ME1: variants seen among roughly 807,000 people sequenced by gnomAD.
The protein encoded by ME1 is malic enzyme 1, also known as NADP-dependent malic enzyme.
A neutral mutation model predicts 66.4 loss-of-function variants in ME1; 74 were observed. That is an observed-to-expected ratio of 1.11 (90% confidence interval 0.92 to 1.35). ME1 has a LOEUF of 1.35. Among genes scored for constraint, ME1 ranks in the 40% most tolerant of loss-of-function variants. ME1 has a pLI of 0.00. For missense variants in ME1, 750 were observed against 694.1 expected (o/e 1.08, Z -0.90); for synonymous variants, 251 against 235.6 (o/e 1.07, Z -0.60).
intron 3 of ME1, among the ~76,000 whole-genome samples, chr6:83,385,648 A>G (rs1292269293): frequency 6.6e-6 from 1 of 151,900 alleles, no homozygotes; most frequent in Non-Finnish European, 1.5e-5. Flanking sequence ...TTAGATCTTG[A>G]TGTAAAGAAC....
At chr6:83,360,906 T>C (rs1246478720) in intron 3 of ME1, among the ~76,000 whole-genome samples, 1 of 152,238 alleles carries the variant, frequency 6.6e-6, no homozygotes, top group Non-Finnish European at 1.5e-5. Context: ...TATGCAGCCA[T>C]TGACTTGGCA....
intron 3 of ME1, among the ~76,000 whole-genome samples, chr6:83,395,088 T>G (rs934708628): frequency 1.3e-5 from 2 of 149,512 alleles, no homozygotes; most frequent in Non-Finnish European, 2.9e-5. Context: ...TACTTTTTTG[T>G]TTTTTTGGTT....
Position 83,428,243 on chromosome 6 carries a change from G to C in ME1, c.78+2634C>G, listed in dbSNP as rs182831929. On this transcript the variant is annotated intron_variant, in intron 1 of 13. Coordinates refer to ENST00000369705, the MANE Select transcript of ME1 (RefSeq NM_002395.6). ...TATTTTAAGTGGAAGCCTACATTGG[G>C]GAACGAATAAGATAAATTTGGAGAA... Among the ~76,000 whole-genome samples, 519 of 152,196 alleles carry C rather than the reference G, an allele frequency of 3.4e-3. 4 individuals carry two copies. The highest frequency in any genetic ancestry group is 0.012 in the African/African-American group (482 of 41,530).
chr6:83,225,205 CAAAA>C (rs146673365), intron 11 of ME1, among the ~76,000 whole-genome samples: 2 of 40,498 alleles, frequency 4.9e-5, no homozygotes, highest in African/African-American at 1.7e-4. Flanking sequence ...GACTCCATCT[CAAAA>C]AAAAAAAAAA....
chr6:83,425,492 C>A (rs1770353024), intron 1 of ME1, among the ~76,000 whole-genome samples: 1 of 152,138 alleles, frequency 6.6e-6, no homozygotes, highest in South Asian at 2.1e-4. Flanking sequence ...TCCTTCTTCA[C>A]ATGGCGGCAG....
At chr6:83,222,060 T>C (rs1790101446) in intron 12 of ME1, among the ~76,000 whole-genome samples, 1 of 152,138 alleles carries the variant, frequency 6.6e-6, no homozygotes, top group Non-Finnish European at 1.5e-5. Context: ...AAAATATTTT[T>C]CACGGAATTT....
chr6:83,291,934 T>C (rs146903212), intron 6 of ME1, among the ~76,000 whole-genome samples: 2 of 152,234 alleles, frequency 1.3e-5, no homozygotes, highest in East Asian at 1.9e-4. Flanking sequence ...TTGTGTTTGC[T>C]TCGCGAAGTT....
At chr6:83,217,209 A>G (rs1320112233) in intron 12 of ME1, among the ~76,000 whole-genome samples, 1 of 152,190 alleles carries the variant, frequency 6.6e-6, no homozygotes, top group Non-Finnish European at 1.5e-5. Flanking sequence ...TAAGGCAGAG[A>G]GGGAGACTCA....
intron 6 of ME1, among the ~76,000 whole-genome samples, chr6:83,304,197 G>T (rs1479451973): frequency 3.3e-5 from 5 of 152,036 alleles, no homozygotes; most frequent in African/African-American, 1.2e-4. Flanking sequence ...ATTTTTCCAA[G>T]GTTACAAATG....
intron 3 of ME1, among the ~76,000 whole-genome samples, chr6:83,396,148 G>C (rs1019168042): frequency 5.3e-5 from 8 of 152,092 alleles, no homozygotes; most frequent in African/African-American, 1.9e-4. Flanking sequence ...TGGATCACAT[G>C]AGGCCAACAG....
intron 6 of ME1, among the ~76,000 whole-genome samples, chr6:83,290,434 G>A (rs1179001196): frequency 6.6e-6 from 1 of 152,148 alleles, no homozygotes; most frequent in East Asian, 1.9e-4. Context: ...GTAGTTGTGT[G>A]GTTTTGAGTG....
At chr6:83,238,381 T>C (rs1461099682) in intron 8 of ME1, among the ~76,000 whole-genome samples, 1 of 152,176 alleles carries the variant, frequency 6.6e-6, no homozygotes, top group Non-Finnish European at 1.5e-5. Context: ...ATCTGTGAAA[T>C]TTCCAATATC....
Position 83,211,690 on chromosome 6 carries a change from G to A in ME1, c.*234C>T, listed in dbSNP as rs916894484. The A allele has an allele frequency of 2.8e-5, 9 of 320,164 alleles. No individual in the cohort carries two copies. Among genetic ancestry groups the A allele is most frequent in the Admixed American group, 1.9e-4 (4 of 21,582 alleles). 19.8% of individuals were successfully genotyped at this position (320,164 alleles called of 1,614,324 possible). ...ACGTACAACAGCTTTTAAAGAGAACGTAGGCAGAATAATTCAGACAGAAAC... is the reference window on the plus strand; with the variant it reads ...ACGTACAACAGCTTTTAAAGAGAACATAGGCAGAATAATTCAGACAGAAAC... On this transcript the variant is annotated 3_prime_UTR_variant, in exon 14 of 14. Transcript: ENST00000369705.
intron 6 of ME1, among the ~76,000 whole-genome samples, chr6:83,255,337 G>C (rs1487472264): frequency 1.3e-5 from 2 of 151,318 alleles, no homozygotes; most frequent in African/African-American, 4.8e-5. Context: ...ATTGCAAATG[G>C]CTTTTCTAAT....
At chr6:83,296,498 T>C (rs1767600474) in intron 6 of ME1, among the ~76,000 whole-genome samples, 3 of 152,116 alleles carry the variant, frequency 2.0e-5, no homozygotes, top group Admixed American at 2.0e-4. Context: ...CAATAAACTA[T>C]GTATTGAAGG....
chr6:83,223,997 AT>A, intron 11 of ME1, 64 bp from the exon 12 acceptor site: 1 of 1,400,414 alleles, frequency 7.1e-7, no homozygotes, highest in Non-Finnish European at 9.9e-7. Flanking sequence ...CAAATGTATC[AT>A]AACAGAACTA....
At chr6:83,214,852 C>A (rs1162286558) in intron 13 of ME1, among the ~76,000 whole-genome samples, 1 of 152,024 alleles carries the variant, frequency 6.6e-6, no homozygotes, top group Non-Finnish European at 1.5e-5. Context: ...GTTCTTTGTT[C>A]TAGTTTCTCA....
At chr6:83,371,530 C>CT (rs1055810224) in intron 3 of ME1, among the ~76,000 whole-genome samples, 132 of 152,232 alleles carry the variant, frequency 8.7e-4, no homozygotes, top group African/African-American at 3.1e-3. Flanking sequence ...CGGGTTTTTC[C>CT]TTTTCAGAGA....
intron 5 of ME1, among the ~76,000 whole-genome samples, chr6:83,343,957 T>A (rs1768637584): frequency 6.6e-6 from 1 of 152,156 alleles, no homozygotes; most frequent in Non-Finnish European, 1.5e-5. Flanking sequence ...TGCACAGCTT[T>A]TTTTTAATGT....
Sources: allele counts gnomAD v4.1 joint callset (sites outside exome capture counted in the v4.1 genomes callset), GRCh38; gene constraint gnomAD v4.1.1; transcripts MANE v1.5; gene names NCBI Gene and HGNC (gene_info 2026-07-23, HGNC 2026-07-21).